CRLF1: variants seen among roughly 807,000 people sequenced by gnomAD.
CRLF1 encodes the protein cytokine receptor-like factor 1.
Under a neutral mutation model 48.9 loss-of-function variants are expected in CRLF1, and 36 were observed. The ratio of observed to expected loss-of-function variants is 0.74; its 90% confidence interval spans 0.56 to 0.97. CRLF1 has a LOEUF of 0.97. CRLF1 is among the 50% of genes least tolerant of loss of function. The probability of loss-of-function intolerance (pLI) is 0.00; values close to 1 mark genes in which losing one functional copy is unlikely to be tolerated. For synonymous variants in CRLF1, 256 were observed against 253.4 expected (o/e 1.01, Z -0.10); for missense variants, 534 against 575.1 (o/e 0.93, Z 0.73).
rs1976197231 is a variant in CRLF1 at position 18,599,835 on chromosome 19, T to C, written c.127A>G (p.Ile43Val). 6.5e-7 allele frequency: 1 copy of C among 1,539,726 alleles called. No homozygotes were observed. The highest frequency in any genetic ancestry group is 1.4e-5 in the African/African-American group (1 of 73,280). ...AGAAGCGTGGGATCCTGGGGACTGA[T>C]CACAGCTGTGTCTGGGGTCAAAGAG... ...RAGSGAHTAV[I>V]SPQDPTLLIG... Residue 43 changes from isoleucine (I) to valine (V), a missense_variant, in exon 2 of 9, where the codon ATC (isoleucine) becomes GTC (valine). By Grantham distance (29) the Ile-to-Val change is conservative (BLOSUM62 3). Transcript: ENST00000392386.
intron 2 of CRLF1, 140 bp from the exon 3 acceptor site, chr19:18,599,041 G>C (rs533512867): frequency 6.6e-7 from 1 of 1,506,916 alleles, no homozygotes; most frequent in South Asian, 1.3e-5. Context: ...CCTGTGCTGA[G>C]AAATGCCAGC....
chr19:18,600,813 A>AT (rs1275189745), intron 1 of CRLF1, among the ~76,000 whole-genome samples: 3 of 148,074 alleles, frequency 2.0e-5, no homozygotes, highest in African/African-American at 5.0e-5. Flanking sequence ...TTTGCTTTTT[A>AT]TTTTTTTAGC....
At chr19:18,594,030 G>GCGGGGGGGCCCCCCC (rs1600648376) in intron 8 of CRLF1, 35 bp downstream of exon 8, 8 of 1,315,300 alleles carry the variant, frequency 6.1e-6, no homozygotes, top group Non-Finnish European at 7.4e-6. Context: ...CCCTCCCCTT[G>GCGGGGGGGCCCCCCC]CTCCCTCCCG....
At chr19:18,594,029 T>TTCG in intron 8 of CRLF1, 36 bp downstream of exon 8, 1 of 1,366,644 alleles carries the variant, frequency 7.3e-7, no homozygotes, top group Non-Finnish European at 1.0e-6. Flanking sequence ...GCCCTCCCCT[T>TTCG]GCTCCCTCCC....
chr19:18,597,201 G>GA, intron 4 of CRLF1, 152 bp from the exon 5 acceptor site: 1 of 703,694 alleles, frequency 1.4e-6, no homozygotes, highest in Non-Finnish European at 2.3e-6. Flanking sequence ...TGGATTACAC[G>GA]ATATATAATA....
chr19:18,604,654 A>G (rs1032429768), intron 1 of CRLF1, among the ~76,000 whole-genome samples: 4 of 152,184 alleles, frequency 2.6e-5, no homozygotes, highest in Admixed American at 1.3e-4. Flanking sequence ...CTGGGGACAG[A>G]GATGCACGCA....
intron 1 of CRLF1, among the ~76,000 whole-genome samples, chr19:18,602,080 C>T (rs756781814): frequency 2.0e-5 from 3 of 152,250 alleles, no homozygotes; most frequent in Non-Finnish European, 4.4e-5. Flanking sequence ...ACTTCCTGAA[C>T]CAGGTTGTGT....
At chr19:18,595,411 GCTCTGGGACCCT>G (rs1294038825) in intron 6 of CRLF1, among the ~76,000 whole-genome samples, 1 of 152,222 alleles carries the variant, frequency 6.6e-6, no homozygotes, top group Non-Finnish European at 1.5e-5. Flanking sequence ...CCCCTCCCTA[GCTCTGGGACCCT>G]CTCTGGGCCT....
In CRLF1 at chr19:18,598,427, C is replaced by T. The variant is rs747340985; in HGVS notation, c.697+5G>A. The T allele has an allele frequency of 1.2e-6, 2 of 1,609,930 alleles. No individual in the cohort carries two copies. Among genetic ancestry groups the T allele is most frequent in the Non-Finnish European group, 8.5e-7 (1 of 1,177,344 alleles). On this transcript the variant is annotated splice_donor_5th_base_variant and intron_variant, in intron 4 of 8. Transcript: ENST00000392386. ...GGAGGGGCCTAGCAGACACTGGGGG[C>T]TCACCCACATCCAGGATATCCAGCG...
rs1976100016 is a variant in CRLF1, at chr19:18,594,318, A to C, written c.1141T>G (p.Ser381Ala). ...LGWLKKHAYC[S>A]NLSFRLYDQW... ...TCGTAGAGGCGGAAGCTGAGGTTGG[A>C]GCAGTACGCGTGCTTCTTGAGCCAG... The change falls in exon 7 of 9, where the codon TCC becomes GCC. Residue 381 changes from serine (S) to alanine (A), a missense_variant. Physicochemically the swap from Ser to Ala is moderately conservative, Grantham distance 99. Coordinates refer to ENST00000392386, the MANE Select transcript of CRLF1 (RefSeq NM_004750.5). 1 of 1,611,622 alleles carries C rather than the reference A, an allele frequency of 6.2e-7. No individual in the cohort carries two copies. Among genetic ancestry groups the C allele is most frequent in the Non-Finnish European group, 8.5e-7 (1 of 1,179,676 alleles).
rs189259542 is a variant in CRLF1, at chr19:18,599,974, A to G, written c.116-128T>C. Reference sequence around the variant, plus strand: ...TTAATGATTGTCCCCCATTTTACAGATAGGGAAGGTAGAGATCAGTTGGGT... The same window carrying G: ...TTAATGATTGTCCCCCATTTTACAGGTAGGGAAGGTAGAGATCAGTTGGGT... On this transcript the variant is annotated intron_variant, in intron 1 of 8. Coordinates refer to ENST00000392386, the MANE Select transcript of CRLF1 (RefSeq NM_004750.5). The G allele has an allele frequency of 2.5e-4, 263 of 1,052,584 alleles. No individual in the cohort carries two copies. The African/African-American group carries it at 3.8e-3, about 15-fold the overall frequency. 65.2% of individuals were successfully genotyped at this position (1,052,584 alleles called of 1,614,324 possible).
At position 18,594,251 on chromosome 19, in the gene CRLF1, T is replaced by C. The variant is rs1976098861; in HGVS notation, c.1208A>G (p.Asn403Ser). 6.8e-6 allele frequency: 11 copies of C among 1,606,828 alleles called. No individual in the cohort carries two copies. Among genetic ancestry groups the C allele is most frequent in the African/African-American group, 5.4e-5 (4 of 74,444 alleles). ...AWMQKSHKTR[N>S]QDEGILPSGR... ...CCGAGGGTCCCTCCTTCCTACCTGG[T>C]TGCGGGTCTTGTGCGACTTCTGCAT... Residue 403 changes from asparagine to serine, a missense_variant, in exon 7 of 9, where the codon AAC becomes AGC. Physicochemically the swap from Asn to Ser is conservative, Grantham distance 46. This residue lies in a region of CRLF1 where 528 missense variants were observed against 555.7 expected (regional missense o/e 0.95). Transcript: ENST00000392386.
At chr19:18,597,469 G>A (rs1339549580) in intron 4 of CRLF1, among the ~76,000 whole-genome samples, 9 of 102,468 alleles carry the variant, frequency 8.8e-5, no homozygotes, top group African/African-American at 3.4e-4. Context: ...TCGCTCTGTC[G>A]CCCAGGCTGG....
chr19:18,600,523 C>T (rs910295754), intron 1 of CRLF1, among the ~76,000 whole-genome samples: 5 of 152,190 alleles, frequency 3.3e-5, no homozygotes, highest in East Asian at 1.9e-4. Context: ...CCCGCCACCA[C>T]GCCTGGCTAA....
At chr19:18,597,582 A>G (rs1976158345) in intron 4 of CRLF1, among the ~76,000 whole-genome samples, 1 of 151,662 alleles carries the variant, frequency 6.6e-6, no homozygotes. Context: ...GGCGCCCGCC[A>G]CTACGCCCGG....
chr19:18,599,835 T>A lies in CRLF1; in HGVS notation c.127A>T (p.Ile43Phe). 6.5e-7 allele frequency: 1 copy of A among 1,539,844 alleles called. No individual in the cohort carries two copies. The highest frequency in any genetic ancestry group is 2.3e-5 in the East Asian group (1 of 43,762). ...RAGSGAHTAVISPQDPTLLIG... is the reference protein window; with the variant it reads ...RAGSGAHTAVFSPQDPTLLIG... ...AGAAGCGTGGGATCCTGGGGACTGATCACAGCTGTGTCTGGGGTCAAAGAG... is the reference window on the plus strand; with the variant it reads ...AGAAGCGTGGGATCCTGGGGACTGAACACAGCTGTGTCTGGGGTCAAAGAG... Residue 43 changes from isoleucine to phenylalanine, a missense_variant, in exon 2 of 9, where the codon ATC (isoleucine) becomes TTC (phenylalanine). Transcript: ENST00000392386.
chr19:18,596,815 G>A (rs1216804760), intron 5 of CRLF1, 25 bp from the exon 6 acceptor site: 10 of 1,612,854 alleles, frequency 6.2e-6, no homozygotes, highest in Non-Finnish European at 8.5e-6. Flanking sequence ...CAAGGTCAGA[G>A]TAGAGGGCGG....
At chr19:18,604,223 C>T (rs1600657267) in intron 1 of CRLF1, among the ~76,000 whole-genome samples, 1 of 152,180 alleles carries the variant, frequency 6.6e-6, no homozygotes, top group African/African-American at 2.4e-5. Flanking sequence ...GCCGGCGTGG[C>T]TCACTTGCCA....
At chr19:18,594,181 C>T (rs1229977487) in intron 7 of CRLF1, 66 bp downstream of exon 7, 19 of 1,602,598 alleles carry the variant, frequency 1.2e-5, no homozygotes, top group Non-Finnish European at 1.5e-5. Flanking sequence ...CTTCCCCCTC[C>T]CCTGTTTTCT....
Sources: gnomAD v4.1 joint callset for allele counts (sites outside exome capture counted in the v4.1 genomes callset) on GRCh38, gnomAD v4.1.1 for gene constraint, gnomAD v4.1.1 regional missense constraint, MANE v1.5 for transcripts, NCBI Gene and HGNC (gene_info 2026-07-23, HGNC 2026-07-21) for gene names.